SMARCC1: variants seen among roughly 807,000 people sequenced by gnomAD.
SMARCC1 encodes the protein SWI/SNF related BAF chromatin remodeling complex subunit C1, also known as SWI/SNF complex subunit SMARCC1.
Under a neutral mutation model 147.4 loss-of-function variants are expected in SMARCC1, and 43 were observed. The observed-to-expected ratio is 0.29, with a 90% CI of 0.23 to 0.38. SMARCC1 has a LOEUF of 0.38. SMARCC1 is among the 10% of genes least tolerant of loss of function. SMARCC1 has a pLI of 1.00. For synonymous variants in SMARCC1, 495 were observed against 484.4 expected, an observed-to-expected ratio of 1.02 and a Z score of -0.29; for missense variants, 1,119 against 1,381.1, an observed-to-expected ratio of 0.81 and a Z score of 3.01.
At chr3:47,691,472 G>A (rs1475931858) in intron 12 of SMARCC1, among the ~76,000 whole-genome samples, 1 of 152,016 alleles carries the variant, frequency 6.6e-6, no homozygotes, top group African/African-American at 2.4e-5. Flanking sequence ...AAATTAGCCG[G>A]GAGTGGTGGC....
chr3:47,720,669 T>C lies in SMARCC1; in HGVS notation c.713A>G (p.Asp238Gly). The C allele has an allele frequency of 6.2e-7, 1 of 1,601,086 alleles. No individual in the cohort carries two copies. The highest frequency in any genetic ancestry group is 8.6e-7 in the Non-Finnish European group (1 of 1,168,596). The change falls in exon 7 of 28, where the codon GAC becomes GGC. Residue 238 changes from aspartate to glycine, a missense_variant. By Grantham distance (94) the Asp-to-Gly change is moderately conservative (BLOSUM62 -1). Coordinates refer to ENST00000254480, the MANE Select transcript of SMARCC1 (RefSeq NM_003074.4). ...QVLVHWGFYP[D>G]SYDTWVHSND... is the part of the protein sequence containing the mutation. ...TCTCACAGCATATGAACATTACCTG[T>C]CTGGGTAAAAGCCCCAATGCACTAA...
intron 9 of SMARCC1, 80 bp from the exon 10 acceptor site, chr3:47,706,610 C>A: frequency 7.6e-7 from 1 of 1,313,622 alleles, no homozygotes; most frequent in Non-Finnish European, 1.0e-6. Context: ...AGGTGAATCT[C>A]CACACACAAA....
At chr3:47,739,940 G>C (rs1379722352) in intron 3 of SMARCC1, among the ~76,000 whole-genome samples, 1 of 152,010 alleles carries the variant, frequency 6.6e-6, no homozygotes, top group Non-Finnish European at 1.5e-5. Context: ...GCAGTGGTGT[G>C]ATCTCGATTC....
chr3:47,778,197 AAAAAAC>A (rs1253479022), intron 1 of SMARCC1, among the ~76,000 whole-genome samples: 2 of 144,750 alleles, frequency 1.4e-5, no homozygotes, highest in East Asian at 4.0e-4. Flanking sequence ...TCTCAAAAAA[AAAAAAC>A]AAAAAACAAA....
At chr3:47,672,954 T>C (rs1387817987) in intron 18 of SMARCC1, among the ~76,000 whole-genome samples, 2 of 146,358 alleles carry the variant, frequency 1.4e-5, no homozygotes, top group African/African-American at 2.5e-5. Flanking sequence ...AGTTTCAGTA[T>C]TTTTTTTTTT....
At chr3:47,633,203 A>G (rs2032915550) in intron 24 of SMARCC1, among the ~76,000 whole-genome samples, 1 of 152,208 alleles carries the variant, frequency 6.6e-6, no homozygotes, top group African/African-American at 2.4e-5. Flanking sequence ...ACAAGTTAAA[A>G]AGCAAGAAGA....
chr3:47,615,069 G>C (rs1348895245), intron 25 of SMARCC1, among the ~76,000 whole-genome samples: 1 of 152,060 alleles, frequency 6.6e-6, no homozygotes, highest in East Asian at 1.9e-4. Flanking sequence ...TTCTCAATAA[G>C]GCCTAATCTG....
intron 3 of SMARCC1, among the ~76,000 whole-genome samples, chr3:47,739,271 C>T (rs971791737): frequency 6.6e-6 from 1 of 152,116 alleles, no homozygotes; most frequent in Non-Finnish European, 1.5e-5. Flanking sequence ...TATATTAGAA[C>T]AGTGCTTAAG....
intron 13 of SMARCC1, among the ~76,000 whole-genome samples, chr3:47,687,900 G>A (rs555129786): frequency 1.1e-4 from 16 of 152,228 alleles, no homozygotes; most frequent in South Asian, 6.2e-4. Flanking sequence ...AAATGCTGAC[G>A]TCATAGGTGC....
At chr3:47,628,941 A>G (rs183022243) in intron 24 of SMARCC1, among the ~76,000 whole-genome samples, 2 of 152,380 alleles carry the variant, frequency 1.3e-5, no homozygotes, top group Middle Eastern at 3.4e-3. Context: ...AGTAGAATGC[A>G]GGCCAAGACA....
intron 11 of SMARCC1, among the ~76,000 whole-genome samples, chr3:47,696,872 T>C (rs1401626374): frequency 6.6e-6 from 1 of 152,070 alleles, no homozygotes; most frequent in East Asian, 1.9e-4. Flanking sequence ...TGATTTTGGG[T>C]TTTTTTGAAT....
In SMARCC1 at chr3:47,742,032, T is replaced by C. The variant is rs139663100; in HGVS notation, c.401+3876A>G. ...TTCCCCACAAAACTGTTTGGTTCTA[T>C]TGTTGTCTTGCCTTTGGCTCAGTGC... On this transcript the variant is annotated intron_variant, in intron 3 of 27. Transcript: ENST00000254480. 5.1e-3 allele frequency among the ~76,000 whole-genome samples: 777 copies of C among 152,216 alleles called. 3 individuals carry two copies. The highest frequency in any genetic ancestry group is 0.02 in the Middle Eastern group (6 of 294).
At chr3:47,589,707 C>T (rs979503171) in intron 27 of SMARCC1, among the ~76,000 whole-genome samples, 1 of 152,178 alleles carries the variant, frequency 6.6e-6, no homozygotes, top group African/African-American at 2.4e-5. Context: ...TGAAGCCTCC[C>T]AGAGTATTAG....
At chr3:47,704,243 G>A (rs1389223519) in intron 10 of SMARCC1, among the ~76,000 whole-genome samples, 1 of 152,112 alleles carries the variant, frequency 6.6e-6, no homozygotes, top group African/African-American at 2.4e-5. Context: ...ACTTAAAGGG[G>A]AAGAAAACAT....
chr3:47,689,345 C>T, intron 13 of SMARCC1, 42 bp downstream of exon 13: 2 of 1,536,868 alleles, frequency 1.3e-6, no homozygotes, highest in Non-Finnish European at 1.8e-6. Flanking sequence ...ACACAGGACC[C>T]TTAGAGAAGC....
chr3:47,663,839 C>T (rs1406916628), intron 19 of SMARCC1: 1 of 1,573,768 alleles, frequency 6.4e-7, no homozygotes, highest in Non-Finnish European at 8.7e-7. Context: ...CCAGCGCTCT[C>T]AGCTCATGAT....
intron 21 of SMARCC1, among the ~76,000 whole-genome samples, chr3:47,650,481 A>T (rs2033177241): frequency 1.3e-5 from 2 of 151,938 alleles, no homozygotes; most frequent in Non-Finnish European, 2.9e-5. Context: ...AAGTCATGTA[A>T]AAAAATATCT....
intron 2 of SMARCC1, among the ~76,000 whole-genome samples, chr3:47,758,353 T>C (rs2034728359): frequency 1.3e-5 from 2 of 150,306 alleles, no homozygotes; most frequent in Non-Finnish European, 3.0e-5. Context: ...ACTCCTGGGC[T>C]CAAGCAATCT....
chr3:47,603,784 T>C, intron 26 of SMARCC1: 2 of 320,682 alleles, frequency 6.2e-6, no homozygotes, highest in East Asian at 8.1e-5. Context: ...CTAAGAACAG[T>C]TGGGGCCAAC....
Sources: gnomAD v4.1 joint callset for allele counts (sites outside exome capture counted in the v4.1 genomes callset) on GRCh38, gnomAD v4.1.1 for gene constraint, MANE v1.5 for transcripts, NCBI Gene and HGNC (gene_info 2026-07-23, HGNC 2026-07-21) for gene names.